The following PANK3 variants were observed in gnomAD, a reference collection of about 807,000 sequenced individuals.
The protein encoded by PANK3 is hPanK3.
Under a neutral mutation model 39.4 loss-of-function variants are expected in PANK3, and 20 were observed. The observed-to-expected ratio is 0.51, with a 90% CI of 0.36 to 0.74. PANK3 has a LOEUF of 0.74. PANK3 is among the 30% of genes least tolerant of loss of function. The pLI is 0.00. For synonymous variants in PANK3, 140 were observed against 157.3 expected (o/e 0.89, Z 0.82); for missense variants, 265 against 437.0 (o/e 0.61, Z 3.51).
chr5:168,571,821 C>T lies in PANK3; in HGVS notation c.29-2823G>A, dbSNP rs78677169. On this transcript the variant is annotated intron_variant, in intron 1 of 6. Transcript: ENST00000239231. ...TCATTATCTTCTTTTGGAGAAATAG[C>T]TCGTTCGTCTTTATATTTGAAACTC... Among the ~76,000 whole-genome samples, 534 of 152,244 alleles carry T rather than the reference C, an allele frequency of 3.5e-3. 20 individuals are homozygous for T. In the East Asian group the frequency reaches 0.087, roughly 25 times the overall value.
chr5:168,569,351 ATT>A (rs542187942), intron 1 of PANK3, among the ~76,000 whole-genome samples: 2 of 141,034 alleles, frequency 1.4e-5, no homozygotes, highest in Admixed American at 7.1e-5. Context: ...CGCCTGCCTA[ATT>A]TTTTTTTTTT....
chr5:168,574,774 T>C (rs1226296115), intron 1 of PANK3, among the ~76,000 whole-genome samples: 1 of 152,062 alleles, frequency 6.6e-6, no homozygotes, highest in African/African-American at 2.4e-5. Context: ...GGCAGGAGAA[T>C]TGCTTGAACC....
At chr5:168,576,707 T>C (rs1759735824) in intron 1 of PANK3, among the ~76,000 whole-genome samples, 1 of 152,098 alleles carries the variant, frequency 6.6e-6, no homozygotes, top group South Asian at 2.1e-4. Context: ...TACAGCTTCT[T>C]CTAGTATGCA....
chr5:168,569,434 C>T (rs1207946362), intron 1 of PANK3, among the ~76,000 whole-genome samples: 2 of 151,628 alleles, frequency 1.3e-5, no homozygotes, highest in African/African-American at 4.9e-5. Context: ...CCTTGTGATC[C>T]GCCTGCCTCT....
chr5:168,579,355 T>G lies in PANK3; in HGVS notation c.-72A>C. 1 of 1,302,738 alleles carries G rather than the reference T, an allele frequency of 7.7e-7. No homozygotes were observed. The highest frequency in any genetic ancestry group is 1.0e-6 in the Non-Finnish European group (1 of 999,764). The allele number at this position is 1,302,738 out of a possible 1,614,324, so 80.7% of individuals were successfully genotyped here. A position where few individuals can be genotyped will look rare whatever the true frequency, so the allele number is the denominator to read the frequency against. ...AGAGCAGAGGCGGCGACTCCGGAGG[T>G]GGCTGGGCCGCGCGGCGAGGCCCGG... On this transcript the variant is annotated 5_prime_UTR_variant, in exon 1 of 7. Coordinates refer to ENST00000239231, the MANE Select transcript of PANK3 (RefSeq NM_024594.4).
intron 1 of PANK3, among the ~76,000 whole-genome samples, chr5:168,571,926 GA>G (rs1481702790): frequency 1.3e-5 from 2 of 151,926 alleles, no homozygotes; most frequent in Non-Finnish European, 2.9e-5. Flanking sequence ...TCCAGTGTAG[GA>G]AAAAAAGTTT....
chr5:168,579,182 C>G, intron 1 of PANK3, 74 bp downstream of exon 1: 1 of 1,358,612 alleles, frequency 7.4e-7, no homozygotes, highest in Non-Finnish European at 9.7e-7. Context: ...GGAAGCCGAC[C>G]GCCCAGCCAA....
chr5:168,564,149 T>C, intron 3 of PANK3, 84 bp from the exon 4 acceptor site: 1 of 1,167,700 alleles, frequency 8.6e-7, no homozygotes, highest in Non-Finnish European at 1.2e-6. Context: ...ATTCATGTAT[T>C]CAATGAACAC....
intron 3 of PANK3, among the ~76,000 whole-genome samples, chr5:168,564,332 C>T (rs1186165645): frequency 6.6e-6 from 1 of 152,148 alleles, no homozygotes; most frequent in African/African-American, 2.4e-5. Context: ...AAGTCTTCAC[C>T]TAATACCTTA....
At chr5:168,566,508 G>C (rs1000254883) in intron 2 of PANK3, among the ~76,000 whole-genome samples, 2 of 152,162 alleles carry the variant, frequency 1.3e-5, no homozygotes, top group African/African-American at 4.8e-5. Context: ...CTGACATTTA[G>C]TGGGCAGGGA....
chr5:168,564,280 G>T (rs2113115503), intron 3 of PANK3, among the ~76,000 whole-genome samples: 1 of 152,246 alleles, frequency 6.6e-6, no homozygotes, highest in South Asian at 2.1e-4. Context: ...AAATCACTTG[G>T]TGGAAACATG....
Position 168,549,515 on chromosome 5 carries a change from TTAA to T in PANK3, c.*8053_*8055del, listed in dbSNP as rs1453534747. ...AGAAACATATTTAGCAATAAAAAAT[TTAA>T]TAATATCCTACAACTGAATTAGTTG... On this transcript the variant is annotated 3_prime_UTR_variant, in exon 7 of 7. Transcript: ENST00000239231. 6.6e-6 allele frequency: 1 copy of T among 152,220 alleles called. No individual in the cohort carries two copies. Among genetic ancestry groups the T allele is most frequent in the Non-Finnish European group, 1.5e-5 (1 of 68,034 alleles). The allele number at this position is 152,220 out of a possible 1,614,324, so 9.4% of individuals were successfully genotyped here.
At chr5:168,576,503 C>T (rs1444663153) in intron 1 of PANK3, among the ~76,000 whole-genome samples, 2 of 152,182 alleles carry the variant, frequency 1.3e-5, no homozygotes, top group Non-Finnish European at 2.9e-5. Context: ...GTTGAATTAA[C>T]ACATAATTTC....
chr5:168,554,382 T>C lies in PANK3; in HGVS notation c.*3189A>G, dbSNP rs1759318098. The C allele has an allele frequency of 6.6e-6, 1 of 152,222 alleles. No individual in the cohort carries two copies. Among genetic ancestry groups the C allele is most frequent in the South Asian group, 2.1e-4 (1 of 4,830 alleles). The allele number at this position is 152,222 out of a possible 1,614,324, so 9.4% of individuals were successfully genotyped here. On this transcript the variant is annotated 3_prime_UTR_variant, in exon 7 of 7. Coordinates refer to ENST00000239231, the MANE Select transcript of PANK3 (RefSeq NM_024594.4). ...CAGACCGCAGGTTTACTTAATAGTT[T>C]TCAGTAGACTATCAAGAGATGCATG...
At chr5:168,561,727 A>G (rs929582484) in intron 4 of PANK3, among the ~76,000 whole-genome samples, 1 of 152,222 alleles carries the variant, frequency 6.6e-6, no homozygotes, top group African/African-American at 2.4e-5. Context: ...GACATCTCAA[A>G]AAAAGCATAG....
At chr5:168,561,131 T>C (rs765024272) in intron 5 of PANK3, among the ~76,000 whole-genome samples, 2 of 152,192 alleles carry the variant, frequency 1.3e-5, no homozygotes. Context: ...TTTTACATCC[T>C]CAAGGGATTT....
rs751062193 is a variant in PANK3, at chr5:168,559,063, C to T, written c.1031G>A (p.Gly344Asp). The T allele has an allele frequency of 6.2e-7, 1 of 1,609,356 alleles. No individual in the cohort carries two copies. The highest frequency in any genetic ancestry group is 8.5e-7 in the Non-Finnish European group (1 of 1,177,148). ...LAYALDYWSK[G>D]QLKALFLEHE... is the part of the protein sequence containing the mutation. Reference sequence around the variant, plus strand: ...TTCTAGAAACAATGCTTTTAGTTGACCTTTTGACCAGTAATCCAGTGCATA... The same window carrying T: ...TTCTAGAAACAATGCTTTTAGTTGATCTTTTGACCAGTAATCCAGTGCATA... Residue 344 changes from glycine (G) to aspartate (D), a missense_variant, in exon 6 of 7, where the codon GGT (glycine) becomes GAT (aspartate). Physicochemically the swap from Gly to Asp is moderately conservative, Grantham distance 94 (BLOSUM62 -1). This residue lies in a region of PANK3 where 110 missense variants were observed against 161.2 expected (regional missense o/e 0.68). Transcript: ENST00000239231.
intron 1 of PANK3, among the ~76,000 whole-genome samples, chr5:168,570,665 C>T (rs370654607): frequency 5.3e-5 from 8 of 151,994 alleles, no homozygotes; most frequent in Admixed American, 2.6e-4. Context: ...TACGTCAGTA[C>T]GGTTAAGGAA....
rs576533843 is a variant in PANK3 at position 168,550,830 on chromosome 5, C to T, written c.*6741G>A. 2.3e-4 allele frequency: 35 copies of T among 152,174 alleles called. No homozygotes were observed. In the East Asian group the frequency reaches 6.7e-3, roughly 29 times the overall value. 9.4% of individuals were successfully genotyped at this position (152,174 alleles called of 1,614,324 possible). ...CATTTCCCATCATAACAAACCAACT[C>T]CCTCATTTTACAAATAAAAATAATG... On this transcript the variant is annotated 3_prime_UTR_variant, in exon 7 of 7. Coordinates refer to ENST00000239231, the MANE Select transcript of PANK3 (RefSeq NM_024594.4).
Sources: allele counts gnomAD v4.1 joint callset (sites outside exome capture counted in the v4.1 genomes callset), GRCh38; gene constraint gnomAD v4.1.1; regional missense constraint gnomAD v4.1.1; transcripts MANE v1.5; gene names NCBI Gene and HGNC (gene_info 2026-07-23, HGNC 2026-07-21).